MFN2: variants seen among roughly 807,000 people sequenced by gnomAD.
MFN2 encodes mitofusin 2.
In MFN2, 43 loss-of-function variants were observed where a neutral mutation model predicts 87.5. The observed-to-expected ratio is 0.49, with a 90% confidence interval of 0.38 to 0.63. The LOEUF (loss-of-function observed/expected upper bound fraction) is 0.63. Among genes scored for constraint, MFN2 ranks in the 30% least tolerant of loss-of-function variants. The probability of loss-of-function intolerance (pLI) is 0.00; values close to 1 mark genes in which losing one functional copy is unlikely to be tolerated. For missense variants in MFN2, 743 were observed against 972.8 expected, an observed-to-expected ratio of 0.76 and a Z score of 3.14; for synonymous variants, 337 against 359.9, an observed-to-expected ratio of 0.94 and a Z score of 0.72.
chr1:11,997,312 G>C lies in MFN2; in HGVS notation c.490G>C (p.Ala164Pro). ...KRSAKTVNQL[A>P]HALHQDKQLH... ...CTGCCATCAGACTGTGAACCAGCTG[G>C]CCCATGCCCTCCACCAGGACAAGCA... The change falls in exon 6 of 19, where the codon GCC becomes CCC. Residue 164 changes from alanine to proline, a missense_variant. This residue lies in a region of MFN2 where 141 missense variants were observed against 278.9 expected (regional missense o/e 0.51). Coordinates refer to ENST00000235329, the MANE Select transcript of MFN2 (RefSeq NM_014874.4). The C allele has an allele frequency of 6.2e-7, 1 of 1,614,152 alleles. No individual in the cohort carries two copies.
Position 12,009,621 on chromosome 1 carries a change from G to C in MFN2, c.2099G>C (p.Cys700Ser). 1 of 1,614,220 alleles carries C rather than the reference G, an allele frequency of 6.2e-7. No individual in the cohort carries two copies. The highest frequency in any genetic ancestry group is 8.5e-7 in the Non-Finnish European group (1 of 1,180,032). The change falls in exon 18 of 19, where the codon TGT becomes TCT. Residue 700 changes from cysteine (C) to serine (S), a missense_variant. By Grantham distance (112) the Cys-to-Ser change is moderately radical. Around this residue, in one of 3 missense-constraint regions of MFN2, gnomAD observed 571 missense variants for 670.7 expected, o/e 0.85. Transcript: ENST00000235329. ...QELSGTFAHL[C>S]QQVDVTRENL... Reference sequence around the variant, plus strand: ...CTGTCTGGGACCTTTGCTCATCTGTGTCAGCAAGTTGACGTCACCCGGGAG... The same window carrying C: ...CTGTCTGGGACCTTTGCTCATCTGTCTCAGCAAGTTGACGTCACCCGGGAG...
At chr1:11,987,809 G>A (rs1205873656) in intron 2 of MFN2, among the ~76,000 whole-genome samples, 1 of 151,984 alleles carries the variant, frequency 6.6e-6, no homozygotes, top group Non-Finnish European at 1.5e-5. Flanking sequence ...AAATTAGTGG[G>A]GCGTGGTGGT....
intron 8 of MFN2, among the ~76,000 whole-genome samples, chr1:12,000,885 A>G (rs1166017878): frequency 1.3e-5 from 2 of 152,150 alleles, no homozygotes; most frequent in African/African-American, 2.4e-5. Flanking sequence ...TATGCATAAA[A>G]TATCTTTGGC....
At chr1:11,987,293 A>G (rs1027604090) in intron 2 of MFN2, among the ~76,000 whole-genome samples, 1 of 148,994 alleles carries the variant, frequency 6.7e-6, no homozygotes, top group African/African-American at 2.5e-5. Flanking sequence ...CCTGGGTGAC[A>G]AAAGTGAGAC....
chr1:11,989,542 A>G (rs1243435414), intron 3 of MFN2, among the ~76,000 whole-genome samples, 199 bp downstream of exon 3: 5 of 151,998 alleles, frequency 3.3e-5, no homozygotes, highest in Non-Finnish European at 7.3e-5. Flanking sequence ...GCCATTTAGT[A>G]ATTACTTTAA....
chr1:11,997,549 G>GCTCAACCA (rs1638966612), intron 6 of MFN2, 128 bp downstream of exon 6: 2 of 1,310,508 alleles, frequency 1.5e-6, no homozygotes, highest in South Asian at 2.5e-5. Flanking sequence ...TTTCAGATGG[G>GCTCAACCA]CTCAACCAAA....
intron 8 of MFN2, 74 bp from the exon 9 acceptor site, chr1:12,001,327 C>G: frequency 1.3e-6 from 2 of 1,583,894 alleles, no homozygotes; most frequent in Non-Finnish European, 1.7e-6. Flanking sequence ...ATGACCTATT[C>G]TTTTAATAAA....
At chr1:11,997,835 C>T (rs1638977596) in intron 6 of MFN2, among the ~76,000 whole-genome samples, 1 of 148,548 alleles carries the variant, frequency 6.7e-6, no homozygotes. Context: ...TAGTGTTTAT[C>T]TGGACTCACA....
intron 17 of MFN2, among the ~76,000 whole-genome samples, chr1:12,008,109 T>G (rs1639502303): frequency 6.6e-6 from 1 of 152,214 alleles, no homozygotes; most frequent in Admixed American, 6.5e-5. Context: ...GAAGAATTTT[T>G]CTTAGTACAG....
chr1:11,988,244 G>A (rs1638511753), intron 2 of MFN2, among the ~76,000 whole-genome samples: 1 of 151,934 alleles, frequency 6.6e-6, no homozygotes, highest in African/African-American at 2.4e-5. Flanking sequence ...TGGGATTATA[G>A]GCGGCCACCA....
chr1:11,992,431 G>T, intron 3 of MFN2, 124 bp from the exon 4 acceptor site: 1 of 1,230,982 alleles, frequency 8.1e-7, no homozygotes, highest in Non-Finnish European at 1.2e-6. Context: ...TCAGCCTGTC[G>T]GCTGCAGGGT....
At position 12,005,743 on chromosome 1, in the gene MFN2, C is replaced by T. The variant is rs146092040; in HGVS notation, c.1528C>T (p.Arg510Trp). Residue 510 changes from arginine to tryptophan, a missense_variant, in exon 15 of 19, where the codon CGG (arginine) becomes TGG (tryptophan). Coordinates refer to ENST00000235329, the MANE Select transcript of MFN2 (RefSeq NM_014874.4). ...GLKPLLPVSV[R>W]SQIDMLVPRQ... ...GAAACCCCTCCTTCCTGTGTCTGTG[C>T]GGAGTCAGATAGACATGCTGGTCCC... 37 of 1,614,076 alleles carry T rather than the reference C, an allele frequency of 2.3e-5. No individual in the cohort carries two copies. Among genetic ancestry groups the T allele is most frequent in the Admixed American group, 5.0e-5 (3 of 60,008 alleles).
intron 2 of MFN2, among the ~76,000 whole-genome samples, chr1:11,988,084 T>TTGTGTGTGTG (rs112373136): frequency 6.9e-6 from 1 of 144,228 alleles, no homozygotes; most frequent in African/African-American, 2.5e-5. Context: ...CCAATAGTTT[T>TTGTGTGTGTG]TGTGTGTGTG....
rs772701127 is a variant in MFN2, at chr1:12,007,074, C to T, written c.1894C>T (p.Arg632Trp). 8.1e-6 allele frequency: 13 copies of T among 1,613,786 alleles called. No homozygotes were observed. Among genetic ancestry groups the T allele is most frequent in the South Asian group, 2.2e-5 (2 of 91,050 alleles). ...GCAGGTGTGGAAGGCAGTGGGCTGGCGGCTCATTGCCCTCTCCTTTGGGCT... is the reference window on the plus strand; with the variant it reads ...GCAGGTGTGGAAGGCAGTGGGCTGGTGGCTCATTGCCCTCTCCTTTGGGCT... Reference protein sequence around the residue: ...GGVVWKAVGWRLIALSFGLYG... With the variant: ...GGVVWKAVGWWLIALSFGLYG... Residue 632 changes from arginine to tryptophan, a missense_variant, in exon 17 of 19, where the codon CGG (arginine) becomes TGG (tryptophan). Physicochemically the swap from Arg to Trp is moderately radical, Grantham distance 101. Transcript: ENST00000235329.
At chr1:11,997,785 T>G (rs1569836493) in intron 6 of MFN2, among the ~76,000 whole-genome samples, 1 of 152,190 alleles carries the variant, frequency 6.6e-6, no homozygotes, top group East Asian at 1.9e-4. Context: ...TGCCTTGGCT[T>G]GGTGGACTGG....
chr1:12,002,811 C>G (rs943090869), intron 11 of MFN2, among the ~76,000 whole-genome samples: 1 of 152,242 alleles, frequency 6.6e-6, no homozygotes, highest in Non-Finnish European at 1.5e-5. Context: ...GTCCCAGTGT[C>G]ACTCTGCCCT....
In MFN2 at chr1:11,981,225, C is replaced by T. The variant is rs547299231; in HGVS notation, c.-150+741C>T. On this transcript the variant is annotated intron_variant, in intron 1 of 18. Transcript: ENST00000235329. Reference sequence around the variant, plus strand: ...CAATGTAGTTAAAAAAGGAAGGAGGCCGGTCGCAGTGGATCACACCTGTAA... The same window carrying T: ...CAATGTAGTTAAAAAAGGAAGGAGGTCGGTCGCAGTGGATCACACCTGTAA... 1.3e-4 allele frequency among the ~76,000 whole-genome samples: 20 copies of T among 152,300 alleles called. 1 individual carries two copies. The South Asian group carries it at 4.1e-3, about 32-fold the overall frequency.
intron 3 of MFN2, among the ~76,000 whole-genome samples, chr1:11,992,119 C>T (rs1638712034): frequency 3.3e-5 from 5 of 151,868 alleles, no homozygotes; most frequent in Admixed American, 2.6e-4. Context: ...GTAAGAACTT[C>T]GTAAATATTT....
chr1:12,007,573 T>C (rs1321314190), intron 17 of MFN2, among the ~76,000 whole-genome samples: 3 of 152,246 alleles, frequency 2.0e-5, no homozygotes, highest in African/African-American at 7.2e-5. Flanking sequence ...TTTGAAGTTT[T>C]TGAACCCAGC....
Sources: gnomAD v4.1 joint callset for allele counts (sites outside exome capture counted in the v4.1 genomes callset) on GRCh38, gnomAD v4.1.1 for gene constraint, gnomAD v4.1.1 regional missense constraint, MANE v1.5 for transcripts, NCBI Gene and HGNC (gene_info 2026-07-23, HGNC 2026-07-21) for gene names.